Variants in BIN2 observed in about 807,000 individuals in gnomAD.
The protein encoded by BIN2 is breast cancer associated protein BRAP1.
BIN2 carries 43 observed loss-of-function variants against 67.9 expected under a neutral mutation model. The observed-to-expected ratio is 0.63, with a 90% CI of 0.50 to 0.82. The LOEUF (loss-of-function observed/expected upper bound fraction) is 0.82. Among genes scored for constraint, BIN2 ranks in the 40% least tolerant of loss-of-function variants. The pLI is 0.00. For synonymous variants in BIN2, 244 were observed against 246.8 expected (o/e 0.99, Z 0.11); for missense variants, 581 against 671.6 (o/e 0.87, Z 1.49).
chr12:51,284,867 A>G (rs1166253880), intron 11 of BIN2, 80 bp from the exon 12 acceptor site: 5 of 1,030,410 alleles, frequency 4.9e-6, no homozygotes, highest in Non-Finnish European at 7.7e-6. Flanking sequence ...TCTGTGCCTT[A>G]TACTTTACAA....
chr12:51,297,428 G>A (rs961614785), intron 7 of BIN2: 9 of 283,468 alleles, frequency 3.2e-5, no homozygotes, highest in Non-Finnish European at 4.7e-5. Flanking sequence ...TTAGCCGGGC[G>A]TGGTGGCATG....
rs747334966 is a variant in BIN2, at chr12:51,291,619, C to T, written c.1487G>A (p.Cys496Tyr). 5 of 1,609,532 alleles carry T rather than the reference C, an allele frequency of 3.1e-6. No homozygotes were observed. The African/African-American group carries it at 4.0e-5, about 13-fold the overall frequency. ...AGATGTCATTAAGGTGGGGGAAGTA[C>T]AAAGTTCTTCAGGGTTCTGATTGTG... ...NIHNQNPEEL[C>Y]TSPTLMTSQV... Residue 496 changes from cysteine (C) to tyrosine (Y), a missense_variant, in exon 10 of 13, where the codon TGT becomes TAT. Cys to Tyr is a radical substitution (Grantham distance 194). Transcript: ENST00000615107.
intron 2 of BIN2, 30 bp from the exon 3 acceptor site, chr12:51,303,171 A>G (rs1945776981): frequency 6.2e-7 from 1 of 1,608,008 alleles, no homozygotes; most frequent in Non-Finnish European, 8.5e-7. Flanking sequence ...TTGGTGACTA[A>G]AGAGATTAAT....
At chr12:51,294,623 G>GTTT (rs1222653013) in intron 9 of BIN2, among the ~76,000 whole-genome samples, 9 of 151,168 alleles carry the variant, frequency 6.0e-5, no homozygotes, top group Admixed American at 2.6e-4. Context: ...TATTTTATGT[G>GTTT]TGCATGTATG....
At chr12:51,315,434 A>C (rs1222407552) in intron 1 of BIN2, among the ~76,000 whole-genome samples, 2 of 152,162 alleles carry the variant, frequency 1.3e-5, no homozygotes, top group Admixed American at 1.3e-4. Flanking sequence ...GGCCTCCCAA[A>C]GTGCTGGGAT....
intron 10 of BIN2, among the ~76,000 whole-genome samples, chr12:51,289,369 C>A (rs572246197): frequency 1.3e-4 from 20 of 152,088 alleles, no homozygotes; most frequent in African/African-American, 4.6e-4. Context: ...AAGCCCAGCA[C>A]TTTGGGAGGC....
rs770140303 is a variant in BIN2, at chr12:51,291,866, G to C, written c.1240C>G (p.Pro414Ala). The change falls in exon 10 of 13, where the codon CCT becomes GCT. Residue 414 changes from proline (P) to alanine (A), a missense_variant. Coordinates refer to ENST00000615107, the MANE Select transcript of BIN2 (RefSeq NM_016293.4). ...RASIQRTSAP[P>A]SRPPPPRATA... The stretch of plus-strand genomic sequence containing the variant: ...GCTCTGGGTGGAGGAGGCCTACTAG[G>C]GGGTGCTGAGGTCCTCTGGATAGAG... 2 of 1,614,066 alleles carry C rather than the reference G, an allele frequency of 1.2e-6. No individual in the cohort carries two copies. The highest frequency in any genetic ancestry group is 1.3e-5 in the African/African-American group (1 of 74,932).
upstream of BIN2, chr12:51,324,185 G>T: frequency 1.3e-6 from 2 of 1,558,892 alleles, no homozygotes; most frequent in East Asian, 4.7e-5. Flanking sequence ...GCGGGCTCCC[G>T]GCATGCCTCG....
chr12:51,291,506 A>G, intron 10 of BIN2, 85 bp downstream of exon 10: 3 of 1,354,398 alleles, frequency 2.2e-6, no homozygotes, highest in Middle Eastern at 2.4e-4. Flanking sequence ...TCGCACCACT[A>G]CACTCCAGCC....
chr12:51,324,450 T>A (rs1425627516), upstream of BIN2: 12 of 1,502,450 alleles, frequency 8.0e-6, no homozygotes, highest in Admixed American at 2.1e-5. Context: ...CGCTGAGCAC[T>A]GCAAAGCAAC....
intron 9 of BIN2, among the ~76,000 whole-genome samples, chr12:51,292,761 C>T (rs7135840): frequency 0.78 from 118,497 of 152,098 alleles, 47,314 homozygotes; most frequent in South Asian, 0.87. Flanking sequence ...TTGCCTGGCA[C>T]GCACTTTCCA....
chr12:51,316,695 C>G (rs12581282), intron 1 of BIN2, among the ~76,000 whole-genome samples: 1 of 151,908 alleles, frequency 6.6e-6, no homozygotes, highest in African/African-American at 2.4e-5. Flanking sequence ...TTCTAGAATG[C>G]CTTTCCTCAC....
intron 9 of BIN2, among the ~76,000 whole-genome samples, chr12:51,293,216 T>G (rs1378965360): frequency 6.6e-6 from 1 of 152,000 alleles, no homozygotes; most frequent in Non-Finnish European, 1.5e-5. Context: ...ATCTATCAAG[T>G]AGCTGCTATG....
At chr12:51,323,596 C>T (rs1264454389) in intron 1 of BIN2, among the ~76,000 whole-genome samples, 1 of 152,146 alleles carries the variant, frequency 6.6e-6, no homozygotes, top group Non-Finnish European at 1.5e-5. Context: ...TCCGCTGCAT[C>T]GCTGTTTTTG....
At chr12:51,319,019 G>C (rs1946200860) in intron 1 of BIN2, among the ~76,000 whole-genome samples, 1 of 152,138 alleles carries the variant, frequency 6.6e-6, no homozygotes. Flanking sequence ...ACCCTTCTCA[G>C]CTAACAAAAC....
chr12:51,287,469 A>G (rs1264976864), intron 11 of BIN2, among the ~76,000 whole-genome samples: 1 of 151,296 alleles, frequency 6.6e-6, no homozygotes, highest in Non-Finnish European at 1.5e-5. Flanking sequence ...AGTAGCTGGG[A>G]TTTCAGGCAC....
At chr12:51,283,993 C>CAAA (rs34571040) in intron 12 of BIN2, among the ~76,000 whole-genome samples, 101,622 of 132,780 alleles carry the variant, frequency 0.77, 39,866 homozygotes, top group South Asian at 0.89. Context: ...AACTCCGTCT[C>CAAA]AAAAAAAAAA....
chr12:51,303,098 C>T lies in BIN2; in HGVS notation c.206G>A (p.Ser69Asn), dbSNP rs1945773885. The T allele has an allele frequency of 6.2e-7, 1 of 1,614,160 alleles. No homozygotes were observed. The highest frequency in any genetic ancestry group is 8.5e-7 in the Non-Finnish European group (1 of 1,179,996). The part of the protein sequence containing the change: ...KLYKDLKNFL[S>N]AVKVMHESSK... ...GCTGCATTGCCCACCTTTGACTGCA[C>T]TAAGGAAGTTCTTCAGGTCCTTGTA... The change falls in exon 3 of 13, where the codon AGT becomes AAT. Residue 69 changes from serine (S) to asparagine (N), a missense_variant. Transcript: ENST00000615107.
chr12:51,323,115 G>A (rs1357120063), intron 1 of BIN2: 1 of 152,172 alleles, frequency 6.6e-6, no homozygotes, highest in Non-Finnish European at 1.5e-5. Context: ...AGAAAAAAAG[G>A]AAAACCGAAA....
Sources: gnomAD v4.1 joint callset for allele counts (sites outside exome capture counted in the v4.1 genomes callset) on GRCh38, gnomAD v4.1.1 for gene constraint, MANE v1.5 for transcripts, NCBI Gene and HGNC (gene_info 2026-07-23, HGNC 2026-07-21) for gene names.